The following EPC1 variants were observed in gnomAD, a reference collection of about 807,000 sequenced individuals.
The protein encoded by EPC1 is enhancer of polycomb homolog 1.
EPC1 carries 12 observed loss-of-function variants against 98.4 expected under a neutral mutation model. The observed-to-expected ratio is 0.12, with a 90% CI of 0.08 to 0.20. EPC1 has a LOEUF of 0.20. Ranked by LOEUF, EPC1 falls within the 10% of genes least tolerant of loss-of-function variation. The pLI is 1.00. For synonymous variants in EPC1, 357 were observed against 363.9 expected (o/e 0.98, Z 0.21); for missense variants, 729 against 990.5 (o/e 0.74, Z 3.54).
rs764452796 is a variant in EPC1 at position 32,367,806 on chromosome 10, G to C, written c.3+10685C>G. Among the ~76,000 whole-genome samples the C allele has an allele frequency of 3.3e-4, 50 of 152,286 alleles. No homozygotes were observed. The Middle Eastern group carries it at 0.014, about 41-fold the overall frequency. On this transcript the variant is annotated intron_variant, in intron 1 of 13. Transcript: ENST00000375110. Reference sequence around the variant, plus strand: ...CTCAAATAAACAGCAGTGCCATTCTGCTGTTAGCCAGCCTAACACAGTGCA... The same window carrying C: ...CTCAAATAAACAGCAGTGCCATTCTCCTGTTAGCCAGCCTAACACAGTGCA...
intron 1 of EPC1, among the ~76,000 whole-genome samples, chr10:32,307,570 C>A (rs1835947437): frequency 6.6e-6 from 1 of 152,098 alleles, no homozygotes; most frequent in African/African-American, 2.4e-5. Context: ...TGATTCTAAA[C>A]CCTCAGAATG....
At chr10:32,345,188 T>C (rs1333382512) in intron 1 of EPC1, 4 of 984,640 alleles carry the variant, frequency 4.1e-6, no homozygotes, top group African/African-American at 3.5e-5. Context: ...TACTCTAAAG[T>C]TGATACAAGT....
intron 1 of EPC1, among the ~76,000 whole-genome samples, chr10:32,336,289 C>T (rs926582466): frequency 1.9e-5 from 2 of 103,782 alleles, no homozygotes; most frequent in South Asian, 4.7e-4. Context: ...AGGCTGGTCT[C>T]GAACTCCTGA....
At chr10:32,310,832 C>T (rs1414168379) in intron 1 of EPC1, among the ~76,000 whole-genome samples, 1 of 152,014 alleles carries the variant, frequency 6.6e-6, no homozygotes. Context: ...GGAGATCACG[C>T]CACTGCACTC....
intron 11 of EPC1, 156 bp downstream of exon 11, chr10:32,273,007 T>G: frequency 6.2e-7 from 1 of 1,611,284 alleles, no homozygotes; most frequent in South Asian, 1.1e-5. Context: ...ACAGCTTCCA[T>G]ACTCACCTGT....
At chr10:32,338,260 A>G (rs1270730071) in intron 1 of EPC1, among the ~76,000 whole-genome samples, 3 of 152,204 alleles carry the variant, frequency 2.0e-5, no homozygotes, top group Non-Finnish European at 4.4e-5. Context: ...CTCTCCATCT[A>G]GTACATTCAA....
At chr10:32,301,601 AT>A (rs1003310753) in intron 2 of EPC1, among the ~76,000 whole-genome samples, 3 of 151,630 alleles carry the variant, frequency 2.0e-5, no homozygotes, top group African/African-American at 7.3e-5. Flanking sequence ...ATTGAATAGA[AT>A]TGAGAATCTA....
chr10:32,273,441 G>A (rs1199070323), intron 10 of EPC1, among the ~76,000 whole-genome samples, 160 bp from the exon 11 acceptor site: 1 of 151,810 alleles, frequency 6.6e-6, no homozygotes, highest in East Asian at 1.9e-4. Flanking sequence ...AAATTTCTGC[G>A]TTTCTGCTAC....
chr10:32,335,077 A>G (rs1033570451), intron 1 of EPC1, among the ~76,000 whole-genome samples: 4 of 152,164 alleles, frequency 2.6e-5, no homozygotes, highest in African/African-American at 9.7e-5. Context: ...ATCACTTTCT[A>G]CTTAGTGGAG....
At chr10:32,352,636 CT>C (rs1839148502) in intron 1 of EPC1, among the ~76,000 whole-genome samples, 1 of 152,142 alleles carries the variant, frequency 6.6e-6, no homozygotes, top group South Asian at 2.1e-4. Context: ...CAAAATAAGC[CT>C]CCCCCAGTCT....
intron 2 of EPC1, among the ~76,000 whole-genome samples, chr10:32,303,202 C>G (rs1380817798): frequency 6.6e-6 from 1 of 152,122 alleles, no homozygotes; most frequent in Admixed American, 6.5e-5. Context: ...ACTCGGGAGG[C>G]TGAGGCACGA....
chr10:32,329,089 T>C (rs1390854576), intron 1 of EPC1, among the ~76,000 whole-genome samples: 1 of 152,210 alleles, frequency 6.6e-6, no homozygotes, highest in Non-Finnish European at 1.5e-5. Context: ...TGCCTTTTGG[T>C]CATATGACAA....
chr10:32,352,338 C>A (rs1332335978), intron 1 of EPC1, among the ~76,000 whole-genome samples: 1 of 151,946 alleles, frequency 6.6e-6, no homozygotes, highest in Admixed American at 6.6e-5. Context: ...TGAGCCACTG[C>A]GCCCCGCCCA....
At chr10:32,348,476 G>A (rs2133076173), upstream of EPC1, among the ~76,000 whole-genome samples, 1 of 152,264 alleles carries the variant, frequency 6.6e-6, no homozygotes, top group Non-Finnish European at 1.5e-5. Flanking sequence ...GGCTTGATAT[G>A]AGCTGTCACT....
intron 1 of EPC1, among the ~76,000 whole-genome samples, chr10:32,331,598 T>C (rs1452078988): frequency 1.3e-5 from 2 of 152,118 alleles, no homozygotes; most frequent in African/African-American, 4.8e-5. Flanking sequence ...TTTATTAGAC[T>C]TAGAGATAAC....
intron 2 of EPC1, among the ~76,000 whole-genome samples, chr10:32,303,612 A>G (rs1278309237): frequency 6.6e-6 from 1 of 152,224 alleles, no homozygotes; most frequent in Non-Finnish European, 1.5e-5. Flanking sequence ...ATACAGATGG[A>G]TAACAGATGA....
chr10:32,335,026 T>G (rs1837869158), intron 1 of EPC1, among the ~76,000 whole-genome samples: 1 of 152,240 alleles, frequency 6.6e-6, no homozygotes. Flanking sequence ...TATACAATTG[T>G]GCAGCAGGAA....
rs570932401 is a variant in EPC1 at position 32,320,904 on chromosome 10, T to C, written c.154-14973A>G. On this transcript the variant is annotated intron_variant, in intron 1 of 13. Coordinates refer to ENST00000319778, the MANE Select transcript of EPC1 (RefSeq NM_001272004.3). Reference sequence around the variant, plus strand: ...ACCCGGCTTTTGACCACTGTTCATGTGAGTTCTTTAAATGTTTGGTGGGAC... The same window carrying C: ...ACCCGGCTTTTGACCACTGTTCATGCGAGTTCTTTAAATGTTTGGTGGGAC... 7.3e-5 allele frequency among the ~76,000 whole-genome samples: 3 copies of C among 41,292 alleles called. No homozygotes were observed. In the South Asian group the frequency reaches 5.0e-3, roughly 69 times the overall value. The allele number at this position is 41,292 out of a possible 152,430, so 27.1% of individuals were successfully genotyped here.
At chr10:32,288,074 T>C (rs952372288) in intron 6 of EPC1, among the ~76,000 whole-genome samples, 2 of 152,186 alleles carry the variant, frequency 1.3e-5, no homozygotes, top group Non-Finnish European at 2.9e-5. Flanking sequence ...ATACCACGGT[T>C]ATGTAAATAC....
Sources: allele counts gnomAD v4.1 joint callset (sites outside exome capture counted in the v4.1 genomes callset), GRCh38; gene constraint gnomAD v4.1.1; transcripts MANE v1.5; gene names NCBI Gene and HGNC (gene_info 2026-07-23, HGNC 2026-07-21).